The following ST8SIA6 variants were observed in gnomAD, a reference collection of about 807,000 sequenced individuals.
ST8SIA6 encodes the protein alpha-2,8-sialyltransferase 8F.
A neutral mutation model predicts 33.6 loss-of-function variants in ST8SIA6; 39 were observed. That is an observed-to-expected ratio of 1.16 (90% CI 0.90 to 1.52). ST8SIA6 has a LOEUF of 1.52. ST8SIA6 is among the 40% of genes most tolerant of loss of function. The probability of loss-of-function intolerance (pLI) is 0.00; values close to 1 mark genes in which losing one functional copy is unlikely to be tolerated. For missense variants in ST8SIA6, 441 were observed against 443.8 expected, an observed-to-expected ratio of 0.99 and a Z score of 0.06; for synonymous variants, 172 against 167.2, an observed-to-expected ratio of 1.03 and a Z score of -0.22.
At chr10:17,333,719 T>TACATATA (rs1848408990) in intron 4 of ST8SIA6, among the ~76,000 whole-genome samples, 5 of 38,684 alleles carry the variant, frequency 1.3e-4, no homozygotes, top group African/African-American at 5.3e-4. Context: ...ATATATATAT[T>TACATATA]TTTTTTTTTT....
At chr10:17,447,245 TC>T (rs146267662) in intron 2 of ST8SIA6, among the ~76,000 whole-genome samples, 3,212 of 151,016 alleles carry the variant, frequency 0.021, 38 homozygotes, top group African/African-American at 0.032. Context: ...GTAAACCCTA[TC>T]TTTATAAAAA....
At chr10:17,451,931 G>C (rs61844079) in intron 2 of ST8SIA6, among the ~76,000 whole-genome samples, 5,932 of 152,232 alleles carry the variant, frequency 0.039, 167 homozygotes, top group South Asian at 0.057. Context: ...AGCCCAAGAA[G>C]TATGCCAAGT....
At chr10:17,406,742 G>A (rs1851277346) in intron 2 of ST8SIA6, among the ~76,000 whole-genome samples, 1 of 151,146 alleles carries the variant, frequency 6.6e-6, no homozygotes, top group South Asian at 2.1e-4. Context: ...TGGTTGAGTA[G>A]ATCCAGGGTA....
At position 17,321,311 on chromosome 10, in the gene ST8SIA6, A is replaced by T. The variant is rs764516708; in HGVS notation, c.764T>A (p.Leu255Gln). ...ATCTCCATAGGTTGCAATGTCCTCC[A>T]GAAATAGGGCTTTTTTTTCCTTTAA... ...GNLKEKKALFLEDIATYGDAF... is the reference protein window; with the variant it reads ...GNLKEKKALFQEDIATYGDAF... The change falls in exon 8 of 8, where the codon CTG (leucine) becomes CAG (glutamine). Residue 255 changes from leucine to glutamine, a missense_variant. Physicochemically the swap from Leu to Gln is moderately radical, Grantham distance 113. Coordinates refer to ENST00000377602, the MANE Select transcript of ST8SIA6 (RefSeq NM_001004470.3). 8.1e-6 allele frequency: 13 copies of T among 1,607,730 alleles called. No homozygotes were observed. In the Admixed American group the frequency reaches 2.2e-4, roughly 28 times the overall value.
chr10:17,319,427 T>G lies in ST8SIA6; in HGVS notation c.*1451A>C, dbSNP rs1847874036. Among the ~76,000 whole-genome samples the G allele has an allele frequency of 6.6e-6, 1 of 152,168 alleles. No homozygotes were observed. Among genetic ancestry groups the G allele is most frequent in the Non-Finnish European group, 1.5e-5 (1 of 68,024 alleles). ...TAGGATTGTTGTAAAATTTCACACG[T>G]GCTTTTAGGATGGCAACACAGATGT... On this transcript the variant is annotated 3_prime_UTR_variant, in exon 8 of 8. Transcript: ENST00000377602.
intron 2 of ST8SIA6, among the ~76,000 whole-genome samples, chr10:17,421,511 G>T (rs190989405): frequency 6.6e-6 from 1 of 152,280 alleles, no homozygotes; most frequent in Admixed American, 6.5e-5. Flanking sequence ...AACTAGCCCT[G>T]AATGAGTGAG....
intron 3 of ST8SIA6, among the ~76,000 whole-genome samples, chr10:17,377,066 AGC>A (rs1209449039): frequency 6.6e-6 from 1 of 152,178 alleles, no homozygotes; most frequent in Non-Finnish European, 1.5e-5. Context: ...AAGTGAAAAT[AGC>A]CAATTCCTGC....
chr10:17,387,559 G>T (rs995186583), intron 3 of ST8SIA6, among the ~76,000 whole-genome samples: 1 of 151,750 alleles, frequency 6.6e-6, no homozygotes, highest in Admixed American at 6.6e-5. Flanking sequence ...GAGCCACCGC[G>T]CCGGGCCCAG....
intron 2 of ST8SIA6, among the ~76,000 whole-genome samples, chr10:17,430,085 A>G (rs574121766): frequency 6.6e-6 from 1 of 152,152 alleles, no homozygotes; most frequent in South Asian, 2.1e-4. Context: ...AAAGACCATT[A>G]TATGCACCCT....
chr10:17,390,462 C>T, intron 3 of ST8SIA6, 69 bp downstream of exon 3: 1 of 1,300,428 alleles, frequency 7.7e-7, no homozygotes, highest in Non-Finnish European at 1.1e-6. Flanking sequence ...ACTTCAGAGA[C>T]ACTGTCAGAC....
chr10:17,413,786 A>G (rs1255848121), intron 2 of ST8SIA6, among the ~76,000 whole-genome samples: 1 of 152,226 alleles, frequency 6.6e-6, no homozygotes, highest in East Asian at 1.9e-4. Context: ...AGAAATCAAG[A>G]TCTGTTTTAT....
At chr10:17,440,664 A>G (rs977247190) in intron 2 of ST8SIA6, among the ~76,000 whole-genome samples, 2 of 152,140 alleles carry the variant, frequency 1.3e-5, no homozygotes, top group African/African-American at 2.4e-5. Flanking sequence ...ACCCTACCCC[A>G]GGACTTCCTG....
rs200761061 is a variant in ST8SIA6 at position 17,374,715 on chromosome 10, AAAAT to A, written c.291-15119_291-15116del. ...GGTGACAGAATGAGGCTCTGTCTCAAAAATAAATAAATAAATAAATAAATAAATA... is the reference window on the plus strand; with the variant it reads ...GGTGACAGAATGAGGCTCTGTCTCAAAAATAAATAAATAAATAAATAAATA... On this transcript the variant is annotated intron_variant, in intron 3 of 7. Coordinates refer to ENST00000377602, the MANE Select transcript of ST8SIA6 (RefSeq NM_001004470.3). Among the ~76,000 whole-genome samples, 238 of 134,806 alleles carry A rather than the reference AAAAT, an allele frequency of 1.8e-3. 1 individual carries two copies. The highest frequency in any genetic ancestry group is 1.3e-3 in the Admixed American group (17 of 13,166). The allele number at this position is 134,806 out of a possible 152,430, so 88.4% of individuals were successfully genotyped here. A position where few individuals can be genotyped will look rare whatever the true frequency, so the allele number is the denominator to read the frequency against.
At chr10:17,376,161 G>A (rs1849911144) in intron 3 of ST8SIA6, among the ~76,000 whole-genome samples, 1 of 152,142 alleles carries the variant, frequency 6.6e-6, no homozygotes, top group Admixed American at 6.5e-5. Flanking sequence ...GGAGTGATGT[G>A]CGCCCCCTGC....
chr10:17,395,033 C>T (rs546369953), intron 2 of ST8SIA6, among the ~76,000 whole-genome samples: 2 of 152,228 alleles, frequency 1.3e-5, no homozygotes, highest in African/African-American at 4.8e-5. Flanking sequence ...TCACAATTCC[C>T]ACGTGTTGTG....
chr10:17,356,379 C>T (rs1398162303), intron 4 of ST8SIA6, among the ~76,000 whole-genome samples: 1 of 150,426 alleles, frequency 6.6e-6, no homozygotes, highest in Non-Finnish European at 1.5e-5. Context: ...ATTATAGCCC[C>T]AGAGGTTTAC....
intron 3 of ST8SIA6, among the ~76,000 whole-genome samples, chr10:17,362,543 G>A (rs1849423974): frequency 6.6e-6 from 1 of 152,080 alleles, no homozygotes; most frequent in Non-Finnish European, 1.5e-5. Flanking sequence ...CGCTCAGACT[G>A]CTTTGACCAA....
chr10:17,394,645 G>C (rs1850738580), intron 2 of ST8SIA6, among the ~76,000 whole-genome samples: 1 of 152,116 alleles, frequency 6.6e-6, no homozygotes, highest in South Asian at 2.1e-4. Context: ...AGAGTCTTCA[G>C]AGTTTTCTTC....
rs1467402356 is a variant in ST8SIA6, at chr10:17,316,170, C to T, written c.*4708G>A. ...TATCCCTAAACCCACTCCGATTACC[C>T]TCTTCTTAATGGGTACCCTTCTTGT... On this transcript the variant is annotated 3_prime_UTR_variant, in exon 8 of 8. Transcript: ENST00000377602. Among the ~76,000 whole-genome samples, 5 of 152,036 alleles carry T rather than the reference C, an allele frequency of 3.3e-5. No individual in the cohort carries two copies. In the East Asian group the frequency reaches 9.7e-4, roughly 29 times the overall value.
Sources: gnomAD v4.1 joint callset for allele counts (sites outside exome capture counted in the v4.1 genomes callset) on GRCh38, gnomAD v4.1.1 for gene constraint, MANE v1.5 for transcripts, NCBI Gene and HGNC (gene_info 2026-07-23, HGNC 2026-07-21) for gene names.